The following HOOK3 variants were observed in gnomAD, a reference collection of about 807,000 sequenced individuals.
HOOK3 encodes the protein protein Hook homolog 3.
A neutral mutation model predicts 116.3 loss-of-function variants in HOOK3; 24 were observed. The ratio of observed to expected loss-of-function variants is 0.21; its 90% confidence interval spans 0.15 to 0.29. The LOEUF (loss-of-function observed/expected upper bound fraction) is 0.29, where lower values mean the gene tolerates loss of function less well. Among genes scored for constraint, HOOK3 ranks in the 10% least tolerant of loss-of-function variants. HOOK3 has a pLI of 1.00. For synonymous variants in HOOK3, 275 were observed against 283.0 expected, an observed-to-expected ratio of 0.97 and a Z score of 0.28; for missense variants, 632 against 830.2, an observed-to-expected ratio of 0.76 and a Z score of 2.93.
chr8:43,010,885 C>T (rs919145009), intron 19 of HOOK3, among the ~76,000 whole-genome samples: 16 of 152,006 alleles, frequency 1.1e-4, no homozygotes, highest in East Asian at 5.8e-4. Context: ...AAGAACAGGC[C>T]GTGGATTGTG....
chr8:43,004,399 A>C (rs1809435209), intron 17 of HOOK3, among the ~76,000 whole-genome samples: 1 of 136,974 alleles, frequency 7.3e-6, no homozygotes, highest in Admixed American at 7.5e-5. Flanking sequence ...AAGAAAAAAA[A>C]GTCAGGTGCG....
At chr8:42,927,770 A>G (rs1277391641) in intron 3 of HOOK3, among the ~76,000 whole-genome samples, 4 of 152,116 alleles carry the variant, frequency 2.6e-5, no homozygotes, top group Non-Finnish European at 5.9e-5. Context: ...ACACCAGGCT[A>G]ATGTTTTAAA....
intron 11 of HOOK3, among the ~76,000 whole-genome samples, chr8:42,970,709 A>G (rs1808710979): frequency 6.6e-6 from 1 of 151,428 alleles, no homozygotes; most frequent in Non-Finnish European, 1.5e-5. Context: ...CCAAATTCTC[A>G]TATTACTTCT....
chr8:42,905,092 A>G (rs893039461), intron 1 of HOOK3, among the ~76,000 whole-genome samples: 5 of 152,186 alleles, frequency 3.3e-5, no homozygotes, highest in African/African-American at 7.2e-5. Flanking sequence ...AAGTTTCAGA[A>G]TATATTTGAA....
At chr8:42,930,081 G>A (rs759784718) in intron 3 of HOOK3, 41 bp from the exon 4 acceptor site, 2 of 1,540,248 alleles carry the variant, frequency 1.3e-6, no homozygotes, top group South Asian at 2.5e-5. Context: ...GTTTTGATCT[G>A]TCTTGCCTTT....
In HOOK3 at chr8:43,018,350, T is replaced by C. The variant is rs1172084795; in HGVS notation, c.2017-8T>C. On this transcript the variant is annotated splice_polypyrimidine_tract_variant and splice_region_variant and intron_variant, in intron 21 of 21. Transcript: ENST00000307602. ...TCATTGATTCCTTTTTTTGTTTTAA[T>C]GTTGCAGGGAATGACCCTGCATAAA... The C allele has an allele frequency of 6.4e-7, 1 of 1,561,214 alleles. No homozygotes were observed. Among genetic ancestry groups the C allele is most frequent in the East Asian group, 2.3e-5 (1 of 44,162 alleles).
chr8:43,012,978 G>C, intron 19 of HOOK3, 73 bp from the exon 20 acceptor site: 1 of 870,746 alleles, frequency 1.1e-6, no homozygotes, highest in Non-Finnish European at 1.8e-6. Context: ...TAAAAAAATA[G>C]TCATTCTTTT....
At chr8:42,994,673 A>G (rs1478307633) in intron 15 of HOOK3, among the ~76,000 whole-genome samples, 2 of 152,174 alleles carry the variant, frequency 1.3e-5, no homozygotes, top group East Asian at 3.8e-4. Context: ...GATACTTGAT[A>G]TTATTTCAAT....
At chr8:42,954,921 A>G (rs567814305) in intron 6 of HOOK3, among the ~76,000 whole-genome samples, 1 of 152,308 alleles carries the variant, frequency 6.6e-6, no homozygotes, top group African/African-American at 2.4e-5. Flanking sequence ...TCTGAAGGCA[A>G]GATAGTCTGA....
intron 8 of HOOK3, among the ~76,000 whole-genome samples, chr8:42,962,217 G>T (rs1471268924): frequency 6.6e-6 from 1 of 151,766 alleles, no homozygotes; most frequent in African/African-American, 2.4e-5. Flanking sequence ...CAAATAGCTG[G>T]GGCCACAGGT....
At chr8:42,930,076 G>T (rs932268581) in intron 3 of HOOK3, 46 bp from the exon 4 acceptor site, 5 of 1,521,924 alleles carry the variant, frequency 3.3e-6, no homozygotes, top group African/African-American at 2.8e-5. Flanking sequence ...ATTATGTTTT[G>T]ATCTGTCTTG....
At chr8:42,964,268 T>C (rs746997366) in intron 8 of HOOK3, 43 bp from the exon 9 acceptor site, 1 of 1,587,648 alleles carries the variant, frequency 6.3e-7, no homozygotes, top group South Asian at 1.1e-5. Context: ...CTGATGCCAG[T>C]GTAGTTGGAA....
intron 15 of HOOK3, among the ~76,000 whole-genome samples, chr8:42,990,254 C>T (rs1051244204): frequency 3.0e-4 from 45 of 149,054 alleles, no homozygotes; most frequent in Admixed American, 6.8e-4. Flanking sequence ...CCTCAGCTTC[C>T]GAAAGTGCTG....
chr8:43,022,860 AT>A lies in HOOK3; in HGVS notation c.*4363del, dbSNP rs1260266636. The A allele has an allele frequency of 5.8e-6, 1 of 171,952 alleles. No individual in the cohort carries two copies. Among genetic ancestry groups the A allele is most frequent in the Non-Finnish European group, 1.3e-5 (1 of 79,244 alleles). 10.7% of individuals were successfully genotyped at this position (171,952 alleles called of 1,614,324 possible). ...TAATTTTGTTGAGGTTTTATTGTTA[AT>A]ATAATAAAAGCTCAACTGTACAAAA... On this transcript the variant is annotated 3_prime_UTR_variant, in exon 22 of 22. Coordinates refer to ENST00000307602, the MANE Select transcript of HOOK3 (RefSeq NM_032410.4).
At chr8:43,005,994 CTATTTATTTATTTATT>C (rs541185195) in intron 17 of HOOK3, among the ~76,000 whole-genome samples, 1 of 148,130 alleles carries the variant, frequency 6.8e-6, no homozygotes. Flanking sequence ...CGCACCTGGT[CTATTTATTTATTTATT>C]TATTTATTTA....
rs1042103461 is a variant in HOOK3 at position 42,954,623 on chromosome 8, A to G, written c.469-2471A>G. ...AAAGAGAATCCAAATTAGATTTTTA[A>G]TATGTCTATTATTTGCATATTCATT... On this transcript the variant is annotated intron_variant, in intron 6 of 21. Coordinates refer to ENST00000307602, the MANE Select transcript of HOOK3 (RefSeq NM_032410.4). 1.7e-4 allele frequency among the ~76,000 whole-genome samples: 26 copies of G among 152,264 alleles called. 1 individual carries two copies. The highest frequency in any genetic ancestry group is 1.5e-3 in the Admixed American group (23 of 15,284).
chr8:42,944,810 C>G (rs1216265504), intron 5 of HOOK3, among the ~76,000 whole-genome samples: 4 of 151,994 alleles, frequency 2.6e-5, no homozygotes, highest in Admixed American at 2.6e-4. Flanking sequence ...TAGATCAAGA[C>G]TTTTTCTCAG....
At position 42,973,318 on chromosome 8, in the gene HOOK3, A is replaced by G. The variant is rs768742307; in HGVS notation, c.1152A>G (p.Glu384=). Residue 384 remains glutamate, a synonymous_variant, in exon 12 of 22, where the codon GAA becomes GAG. Coordinates refer to ENST00000307602, the MANE Select transcript of HOOK3 (RefSeq NM_032410.4). ...TAGAACTACAAAACAGATTATCCGA[A>G]GAATCAAAGAAAGCAGATAAACTAG... ...QVVELQNRLS[E]ESKKADKLDF... The G allele has an allele frequency of 5.0e-6, 8 of 1,612,322 alleles. No individual in the cohort carries two copies. The highest frequency in any genetic ancestry group is 1.3e-5 in the African/African-American group (1 of 74,902).
chr8:42,999,216 G>A (rs1055943769), intron 16 of HOOK3, among the ~76,000 whole-genome samples: 3 of 152,110 alleles, frequency 2.0e-5, no homozygotes, highest in Non-Finnish European at 4.4e-5. Context: ...ATTAGGTATC[G>A]CTATGGTAAT....
Sources: gnomAD v4.1 joint callset for allele counts (sites outside exome capture counted in the v4.1 genomes callset) on GRCh38, gnomAD v4.1.1 for gene constraint, MANE v1.5 for transcripts, NCBI Gene and HGNC (gene_info 2026-07-23, HGNC 2026-07-21) for gene names.